NOL10: variants seen among roughly 807,000 people sequenced by gnomAD.
NOL10 encodes the protein H_NH0074G24.1.
A neutral mutation model predicts 103.5 loss-of-function variants in NOL10; 58 were observed. That is an observed-to-expected ratio of 0.56 (90% CI 0.45 to 0.70). NOL10 has a LOEUF of 0.70. Among genes scored for constraint, NOL10 ranks in the 30% least tolerant of loss-of-function variants. The pLI, the probability that NOL10 is intolerant of heterozygous loss-of-function variation, is 0.00. For synonymous variants in NOL10, 287 were observed against 282.5 expected, an observed-to-expected ratio of 1.02 and a Z score of -0.16; for missense variants, 763 against 807.3, an observed-to-expected ratio of 0.95 and a Z score of 0.67.
At chr2:10,590,866 A>T (rs1237761667) in intron 17 of NOL10, 1 of 152,230 alleles carries the variant, frequency 6.6e-6, no homozygotes, top group African/African-American at 2.4e-5. Flanking sequence ...AAGCCAGATG[A>T]AACGGCTTAC....
intron 8 of NOL10, among the ~76,000 whole-genome samples, chr2:10,666,699 T>C (rs1572408936): frequency 8.4e-5 from 1 of 11,962 alleles, no homozygotes. Context: ...TATACTGTTA[T>C]GTCTAAAAAA....
chr2:10,600,539 A>T (rs1410629675), intron 17 of NOL10, among the ~76,000 whole-genome samples: 4 of 152,240 alleles, frequency 2.6e-5, no homozygotes, highest in Non-Finnish European at 4.4e-5. Context: ...GTGTTATTTT[A>T]AAGAATCAGG....
At chr2:10,585,462 A>G (rs1410786864) in intron 19 of NOL10, among the ~76,000 whole-genome samples, 2 of 152,266 alleles carry the variant, frequency 1.3e-5, no homozygotes. Flanking sequence ...AAACATATGC[A>G]AAACACATGT....
In NOL10 at chr2:10,669,459, T is replaced by A. The variant is rs1484510557; in HGVS notation, c.465-736A>T. On this transcript the variant is annotated intron_variant, in intron 6 of 20. Transcript: ENST00000381685. ...TGTATTTGTATATATATATATATTTTTATTTTTTATATATATATATATACA... is the reference window on the plus strand; with the variant it reads ...TGTATTTGTATATATATATATATTTATATTTTTTATATATATATATATACA... 3.0e-5 allele frequency among the ~76,000 whole-genome samples: 4 copies of A among 133,258 alleles called. No homozygotes were observed. In the South Asian group the frequency reaches 6.8e-4, roughly 23 times the overall value. 87.4% of individuals were successfully genotyped at this position (133,258 alleles called of 152,430 possible). A position where few individuals can be genotyped will look rare whatever the true frequency, so the allele number is the denominator to read the frequency against.
chr2:10,620,318 A>C (rs973177093), intron 13 of NOL10, among the ~76,000 whole-genome samples: 1 of 152,138 alleles, frequency 6.6e-6, no homozygotes, highest in Admixed American at 6.5e-5. Flanking sequence ...CCAGGGGGGG[A>C]AACTCGGCAG....
At chr2:10,613,831 G>C (rs1676695948) in intron 13 of NOL10, among the ~76,000 whole-genome samples, 2 of 151,404 alleles carry the variant, frequency 1.3e-5, no homozygotes, top group Admixed American at 1.3e-4. Flanking sequence ...ACTGTTTTCA[G>C]GACACTCTAA....
At chr2:10,602,382 T>C (rs891267293) in intron 16 of NOL10, among the ~76,000 whole-genome samples, 1 of 152,254 alleles carries the variant, frequency 6.6e-6, no homozygotes, top group African/African-American at 2.4e-5. Context: ...AGTTTACGAC[T>C]GTCGACCATT....
At chr2:10,615,774 G>A (rs1434790746) in intron 13 of NOL10, among the ~76,000 whole-genome samples, 2 of 152,152 alleles carry the variant, frequency 1.3e-5, no homozygotes, top group Admixed American at 6.5e-5. Flanking sequence ...GGGACGACAG[G>A]ATGAGGCACA....
At chr2:10,657,035 A>G (rs923730736) in intron 11 of NOL10, among the ~76,000 whole-genome samples, 2 of 152,190 alleles carry the variant, frequency 1.3e-5, no homozygotes, top group African/African-American at 2.4e-5. Flanking sequence ...TATAGCTTTT[A>G]AGGCCAGGTG....
intron 1 of NOL10, among the ~76,000 whole-genome samples, chr2:10,687,215 C>T (rs73169924): frequency 0.013 from 2,053 of 152,186 alleles, 57 homozygotes; most frequent in African/African-American, 0.046. Flanking sequence ...TTTCCAAATC[C>T]ACTCAGCTCA....
chr2:10,672,583 T>A (rs1324003266), intron 5 of NOL10, among the ~76,000 whole-genome samples: 2 of 152,208 alleles, frequency 1.3e-5, no homozygotes, highest in Non-Finnish European at 2.9e-5. Flanking sequence ...TATAAAGCCA[T>A]GTCAGCTAAG....
chr2:10,606,607 CAAAAAAAAAAAA>C (rs35623656), intron 14 of NOL10, among the ~76,000 whole-genome samples: 2 of 111,806 alleles, frequency 1.8e-5, no homozygotes, highest in African/African-American at 3.3e-5. Flanking sequence ...GACTCTGTCT[CAAAAAAAAAAAA>C]AAAAAAAAAT....
chr2:10,611,761 C>T (rs547741941), intron 13 of NOL10, among the ~76,000 whole-genome samples: 95 of 152,196 alleles, frequency 6.2e-4, no homozygotes, highest in African/African-American at 2.2e-3. Flanking sequence ...ACTATAAATA[C>T]AAAAATTAGC....
chr2:10,651,360 C>G (rs1281288312), intron 12 of NOL10, among the ~76,000 whole-genome samples: 1 of 152,070 alleles, frequency 6.6e-6, no homozygotes, highest in Non-Finnish European at 1.5e-5. Flanking sequence ...CAGCACTGTC[C>G]AATGGAAAGA....
rs115314919 is a variant in NOL10 at position 10,640,458 on chromosome 2, T to C, written c.1026+3862A>G. On this transcript the variant is annotated intron_variant, in intron 13 of 20. Coordinates refer to ENST00000381685, the MANE Select transcript of NOL10 (RefSeq NM_024894.4). The stretch of plus-strand genomic sequence containing the variant: ...TTCGCTTAGCAAAAGCAACTTCTGC[T>C]CACACTGTCCCCATATGCAGCTCAC... Among the ~76,000 whole-genome samples the C allele has an allele frequency of 6.2e-3, 941 of 152,304 alleles. 9 individuals carry two copies. The highest frequency in any genetic ancestry group is 0.022 in the African/African-American group (920 of 41,572).
intron 13 of NOL10, among the ~76,000 whole-genome samples, chr2:10,613,981 A>ATTTT (rs1449899364): frequency 2.0e-5 from 3 of 147,138 alleles, no homozygotes; most frequent in Non-Finnish European, 3.0e-5. Context: ...TTTTTTTTAG[A>ATTTT]AGGAGTCTCA....
At chr2:10,651,114 A>T (rs994533334) in intron 12 of NOL10, among the ~76,000 whole-genome samples, 2 of 152,196 alleles carry the variant, frequency 1.3e-5, no homozygotes, top group Admixed American at 6.5e-5. Flanking sequence ...AGTTGCCCAC[A>T]AGAGTCCACC....
In NOL10 at chr2:10,649,311, A is replaced by ATTTTTTTTTTTT. The variant is rs56031158; in HGVS notation, c.974-4951_974-4940dup. Among the ~76,000 whole-genome samples the ATTTTTTTTTTTT allele has an allele frequency of 3.5e-4, 35 of 99,058 alleles. 3 individuals carry two copies. The highest frequency in any genetic ancestry group is 1.0e-3 in the African/African-American group (25 of 24,140). The allele number at this position is 99,058 out of a possible 152,430, so 65.0% of individuals were successfully genotyped here. A position where few individuals can be genotyped will look rare whatever the true frequency, so the allele number is the denominator to read the frequency against. ...TTTTTCAACTTTTCTGTATGTTTGA[A>ATTTTTTTTTTTT]TTTTTTTTTTTTTTTTTTTTTTTTT... On this transcript the variant is annotated intron_variant, in intron 12 of 20. Transcript: ENST00000381685.
chr2:10,603,166 G>A lies in NOL10; in HGVS notation c.1154-9C>T, dbSNP rs1676070806. The A allele has an allele frequency of 6.2e-7, 1 of 1,605,940 alleles. No individual in the cohort carries two copies. ...AATGAGGTGGGTGAGCCCTGGGAAA[G>A]GTCAAACAGAAGACAGCAGGTCCTT... On this transcript the variant is annotated splice_polypyrimidine_tract_variant and intron_variant, in intron 14 of 20. Coordinates refer to ENST00000381685, the MANE Select transcript of NOL10 (RefSeq NM_024894.4).
Sources: allele counts gnomAD v4.1 joint callset (sites outside exome capture counted in the v4.1 genomes callset), GRCh38; gene constraint gnomAD v4.1.1; transcripts MANE v1.5; gene names NCBI Gene and HGNC (gene_info 2026-07-23, HGNC 2026-07-21).